SHROOM3: variants seen among roughly 807,000 people sequenced by gnomAD.
SHROOM3 encodes the protein protein Shroom3.
A neutral mutation model predicts 138.6 loss-of-function variants in SHROOM3; 47 were observed. The observed-to-expected ratio is 0.34, with a 90% CI of 0.27 to 0.43. The LOEUF (loss-of-function observed/expected upper bound fraction) is 0.43. SHROOM3 is among the 20% of genes least tolerant of loss of function. The pLI is 1.00. For synonymous variants in SHROOM3, 1,062 were observed against 1,063.3 expected (o/e 1.00, Z 0.02); for missense variants, 2,491 against 2,596.5 (o/e 0.96, Z 0.88).
At chr4:76,614,996 G>C (rs1206823057) in intron 2 of SHROOM3, among the ~76,000 whole-genome samples, 1 of 152,158 alleles carries the variant, frequency 6.6e-6, no homozygotes, top group Non-Finnish European at 1.5e-5. Flanking sequence ...TATGATTTGT[G>C]CCATTCTGGG....
chr4:76,667,764 C>T (rs955791391), intron 2 of SHROOM3, among the ~76,000 whole-genome samples: 2 of 150,950 alleles, frequency 1.3e-5, no homozygotes, highest in African/African-American at 2.4e-5. Context: ...GTCAGGAGAT[C>T]GAGACCTTCC....
At chr4:76,525,224 G>A (rs923185366) in intron 1 of SHROOM3, among the ~76,000 whole-genome samples, 22 of 152,192 alleles carry the variant, frequency 1.4e-4, no homozygotes, top group Admixed American at 1.4e-3. Context: ...TACAGTCATG[G>A]TGGAAGGCAA....
chr4:76,491,186 T>A (rs990931052), intron 1 of SHROOM3, among the ~76,000 whole-genome samples: 1 of 152,210 alleles, frequency 6.6e-6, no homozygotes, highest in Non-Finnish European at 1.5e-5. Context: ...CCTTGAGACA[T>A]GGGCACTGAC....
intron 2 of SHROOM3, among the ~76,000 whole-genome samples, chr4:76,641,748 A>G (rs571506671): frequency 1.3e-5 from 2 of 152,238 alleles, no homozygotes; most frequent in Admixed American, 1.3e-4. Context: ...CTCACCAAAC[A>G]CCATTATTTA....
chr4:76,719,831 T>C (rs1720482403), intron 3 of SHROOM3, among the ~76,000 whole-genome samples: 1 of 152,126 alleles, frequency 6.6e-6, no homozygotes. Flanking sequence ...AAGGGGATAT[T>C]GGGACAGGCA....
intron 2 of SHROOM3, among the ~76,000 whole-genome samples, chr4:76,677,023 C>G (rs763514280): frequency 1.6e-4 from 24 of 148,932 alleles, no homozygotes; most frequent in Non-Finnish European, 3.1e-4. Context: ...AGGATGAAAT[C>G]AGGCAAAGTT....
chr4:76,519,842 G>A (rs1732525708), intron 1 of SHROOM3, among the ~76,000 whole-genome samples: 1 of 152,126 alleles, frequency 6.6e-6, no homozygotes, highest in Non-Finnish European at 1.5e-5. Context: ...ATGAGAATTG[G>A]GTGGAAATGA....
At chr4:76,516,276 A>G (rs1732444227) in intron 1 of SHROOM3, among the ~76,000 whole-genome samples, 1 of 152,156 alleles carries the variant, frequency 6.6e-6, no homozygotes, top group Non-Finnish European at 1.5e-5. Context: ...CAATTGCAAT[A>G]TCTTTGTAAC....
rs750605726 is a variant in SHROOM3, at chr4:76,741,339, G to T, written c.3166G>T (p.Asp1056Tyr). 6.2e-7 allele frequency: 1 copy of T among 1,610,434 alleles called. No homozygotes were observed. The highest frequency in any genetic ancestry group is 2.2e-5 in the East Asian group (1 of 44,764). The change falls in exon 5 of 11, where the codon GAC becomes TAC. Residue 1056 changes from aspartate to tyrosine, a missense_variant. By Grantham distance (160) the Asp-to-Tyr change is radical. Around this residue, in one of 4 missense-constraint regions of SHROOM3, gnomAD observed 1,733 missense variants for 1,661.6 expected, o/e 1.04. Coordinates refer to ENST00000296043, the MANE Select transcript of SHROOM3 (RefSeq NM_020859.4). This position sits in a 1 kb window ranked among gnomAD's most constrained non-coding sequence, Gnocchi z 6.2. ...GCGTTTCCCGGAGAGCAGCGTGGCC[G>T]ACCGGCGCCGTCTCTTCGAGCGCGA... ...GMRFPESSVA[D>Y]RRRLFERDGK... is the part of the protein sequence containing the mutation.
At chr4:76,442,390 T>C (rs888190818) in intron 1 of SHROOM3, among the ~76,000 whole-genome samples, 1 of 149,442 alleles carries the variant, frequency 6.7e-6, no homozygotes, top group East Asian at 2.0e-4. Context: ...CTTTCTCTGA[T>C]TGTGCCCTTT....
At chr4:76,737,768 T>TTTCATTTGCTTTTTCACCATCTGTA in intron 4 of SHROOM3, among the ~76,000 whole-genome samples, 1 of 152,212 alleles carries the variant, frequency 6.6e-6, no homozygotes, top group Admixed American at 6.5e-5. Flanking sequence ...ATGACAGCCT[T>TTTCATTTGCTTTTTCACCATCTGTA]TTCATTTGCT....
chr4:76,600,278 A>C (rs1190183097), intron 2 of SHROOM3, among the ~76,000 whole-genome samples: 1 of 152,196 alleles, frequency 6.6e-6, no homozygotes, highest in Non-Finnish European at 1.5e-5. Context: ...TTATGGGTTA[A>C]CCTGAGGAGA....
intron 2 of SHROOM3, among the ~76,000 whole-genome samples, chr4:76,657,636 G>C (rs2110091430): frequency 6.6e-6 from 1 of 152,242 alleles, no homozygotes; most frequent in South Asian, 2.1e-4. Flanking sequence ...TTTGGGGGTG[G>C]GGGGGTCCCC....
intron 2 of SHROOM3, among the ~76,000 whole-genome samples, chr4:76,671,388 A>G (rs1449237684): frequency 6.6e-6 from 1 of 152,050 alleles, no homozygotes; most frequent in Non-Finnish European, 1.5e-5. Flanking sequence ...ATAAACTTCA[A>G]ACTCCTAACC....
chr4:76,549,357 T>C (rs1433573827), intron 1 of SHROOM3, among the ~76,000 whole-genome samples: 2 of 151,856 alleles, frequency 1.3e-5, no homozygotes, highest in Non-Finnish European at 2.9e-5. Context: ...TTCTAGCCAA[T>C]GGCTTCAACT....
chr4:76,580,092 AATG>A (rs1213643281), intron 2 of SHROOM3, among the ~76,000 whole-genome samples: 1 of 152,200 alleles, frequency 6.6e-6, no homozygotes, highest in African/African-American at 2.4e-5. Flanking sequence ...CGAAAGGAAA[AATG>A]TTCTCTTCAC....
chr4:76,459,306 C>T (rs539916389), intron 1 of SHROOM3, among the ~76,000 whole-genome samples: 29 of 152,140 alleles, frequency 1.9e-4, no homozygotes, highest in Admixed American at 1.5e-3. Context: ...GAGTTTTTAA[C>T]GCTAGGTTTT....
intron 2 of SHROOM3, among the ~76,000 whole-genome samples, chr4:76,602,784 T>C (rs1734532517): frequency 6.6e-6 from 1 of 152,202 alleles, no homozygotes. Context: ...ATTAAAATCC[T>C]GGCTCTGCCA....
chr4:76,670,964 A>C (rs374782061), intron 2 of SHROOM3, among the ~76,000 whole-genome samples: 4 of 152,076 alleles, frequency 2.6e-5, no homozygotes, highest in African/African-American at 9.7e-5. Flanking sequence ...ATAAATAAAT[A>C]AAAATAAAAG....
Sources: allele counts gnomAD v4.1 joint callset (sites outside exome capture counted in the v4.1 genomes callset), GRCh38; gene constraint gnomAD v4.1.1; regional missense constraint gnomAD v4.1.1; non-coding constraint Gnocchi (gnomAD v3.1); transcripts MANE v1.5; gene names NCBI Gene and HGNC (gene_info 2026-07-23, HGNC 2026-07-21).